PARG: variants seen among roughly 807,000 people sequenced by gnomAD.
PARG encodes the protein poly(ADP-ribose) glycohydrolase.
In PARG, 35 loss-of-function variants were observed where a neutral mutation model predicts 113.0. The ratio of observed to expected loss-of-function variants is 0.31; its 90% confidence interval spans 0.24 to 0.41. The LOEUF is 0.41. Among genes scored for constraint, PARG ranks in the 10% least tolerant of loss-of-function variants. The pLI, the probability that PARG is intolerant of heterozygous loss-of-function variation, is 1.00. For missense variants in PARG, 797 were observed against 1,169.4 expected (o/e 0.68, Z 4.64); for synonymous variants, 330 against 409.9 (o/e 0.81, Z 2.36).
intron 15 of PARG, among the ~76,000 whole-genome samples, chr10:49,839,322 T>G (rs1370779304): frequency 6.7e-6 from 1 of 148,548 alleles, no homozygotes; most frequent in Non-Finnish European, 1.5e-5. Context: ...GGGCAACGAG[T>G]GAAATTCCGT....
At chr10:49,922,473 A>T in intron 5 of PARG, 54 bp from the exon 6 acceptor site, 1 of 1,609,720 alleles carries the variant, frequency 6.2e-7, no homozygotes, top group Non-Finnish European at 8.5e-7. Flanking sequence ...GTTTTGCATC[A>T]CAGAATCAAA....
intron 12 of PARG, 85 bp from the exon 13 acceptor site, chr10:49,857,538 C>T: frequency 3.0e-6 from 2 of 674,454 alleles, no homozygotes; most frequent in Non-Finnish European, 5.0e-6. Flanking sequence ...AAGCTCTCAT[C>T]TTTTCCTCTC....
intron 6 of PARG, among the ~76,000 whole-genome samples, chr10:49,918,048 A>G (rs1554848197): frequency 1.3e-5 from 2 of 152,034 alleles, no homozygotes; most frequent in African/African-American, 2.4e-5. Context: ...CATACCCACT[A>G]TGATTCAATT....
intron 2 of PARG, among the ~76,000 whole-genome samples, chr10:49,934,706 A>T (rs1838661623): frequency 6.6e-6 from 1 of 152,008 alleles, no homozygotes; most frequent in Admixed American, 6.6e-5. Flanking sequence ...AAAATTAGCC[A>T]GGCGTGGTGG....
chr10:49,821,355 T>C (rs1399292103), intron 16 of PARG, among the ~76,000 whole-genome samples: 3 of 152,138 alleles, frequency 2.0e-5, no homozygotes, highest in South Asian at 2.1e-4. Context: ...AAAGGGAAGA[T>C]GGGAATCAAA....
At chr10:49,916,968 C>T (rs1442270056) in intron 6 of PARG, among the ~76,000 whole-genome samples, 1 of 151,990 alleles carries the variant, frequency 6.6e-6, no homozygotes, top group Non-Finnish European at 1.5e-5. Context: ...TCTGTCAAAG[C>T]TTCCTGAATA....
At chr10:49,846,746 ATGTGTGTG>A (rs35901101) in intron 13 of PARG, among the ~76,000 whole-genome samples, 3 of 149,212 alleles carry the variant, frequency 2.0e-5, no homozygotes, top group East Asian at 2.0e-4. Context: ...ACAGTTGTAT[ATGTGTGTG>A]TGTGTGTGTG....
rs560634806 is a variant in PARG at position 49,862,586 on chromosome 10, G to C, written c.2130-923C>G. On this transcript the variant is annotated intron_variant, in intron 11 of 17. Coordinates refer to ENST00000616448, the MANE Select transcript of PARG (RefSeq NM_003631.5). Reference sequence around the variant, plus strand: ...TAACTCAGAAGGTAATTCTGCACAGGTTCTGTCTAAGAGCCTTATTTGTAT... The same window carrying C: ...TAACTCAGAAGGTAATTCTGCACAGCTTCTGTCTAAGAGCCTTATTTGTAT... 8.6e-5 allele frequency among the ~76,000 whole-genome samples: 13 copies of C among 150,792 alleles called. No individual in the cohort carries two copies. The East Asian group carries it at 2.5e-3, about 29-fold the overall frequency.
chr10:49,925,545 A>G (rs1407149063), intron 4 of PARG, among the ~76,000 whole-genome samples: 2 of 152,234 alleles, frequency 1.3e-5, no homozygotes, highest in African/African-American at 4.8e-5. Flanking sequence ...CACCTTGGGC[A>G]CATGTACTCA....
intron 16 of PARG, 36 bp downstream of exon 16, chr10:49,832,767 G>T: frequency 8.2e-7 from 1 of 1,223,854 alleles, no homozygotes; most frequent in Non-Finnish European, 1.2e-6. Context: ...TTTTTGTGTG[G>T]GCAGAATGCT....
intron 7 of PARG, among the ~76,000 whole-genome samples, chr10:49,890,492 G>A (rs1468455788): frequency 1.3e-5 from 2 of 152,164 alleles, no homozygotes; most frequent in African/African-American, 4.8e-5. Flanking sequence ...GCCAGAAGAT[G>A]ACAGAAGAGT....
intron 16 of PARG, among the ~76,000 whole-genome samples, chr10:49,827,401 C>G (rs562446344): frequency 6.6e-6 from 1 of 152,336 alleles, no homozygotes; most frequent in African/African-American, 2.4e-5. Flanking sequence ...CAATGGCATA[C>G]TTGTTTACAG....
chr10:49,920,616 G>GTATATATATACACATATACA (rs1837811811), intron 6 of PARG, among the ~76,000 whole-genome samples: 3 of 142,004 alleles, frequency 2.1e-5, no homozygotes, highest in South Asian at 4.3e-4. Context: ...ACATATATAC[G>GTATATATATACACATATACA]TATATATATA....
At chr10:49,919,683 T>G (rs1428285556) in intron 6 of PARG, among the ~76,000 whole-genome samples, 6 of 152,068 alleles carry the variant, frequency 3.9e-5, no homozygotes, top group Non-Finnish European at 8.8e-5. Context: ...ATTAGCCCAG[T>G]GTGGTGGCAT....
rs1845263517 is a variant in PARG, at chr10:49,841,991, C to T, written c.2500G>A (p.Asp834Asn). 2.6e-6 allele frequency: 4 copies of T among 1,549,912 alleles called. No homozygotes were observed. Among genetic ancestry groups the T allele is most frequent in the South Asian group, 1.2e-5 (1 of 84,044 alleles). ...CTCATTTTCTCAGGCACAAACTGAT[C>T]GAGGTAGCGTCTGAAGTGAAGAGCA... Reference protein sequence around the residue: ...IDALHFRRYLDQFVPEKMRRE... With the variant: ...IDALHFRRYLNQFVPEKMRRE... Residue 834 changes from aspartate (D) to asparagine (N), a missense_variant, in exon 15 of 18, where the codon GAT (aspartate) becomes AAT (asparagine). Around this residue, in one of 5 missense-constraint regions of PARG, gnomAD observed 194 missense variants for 247.1 expected, o/e 0.79. Transcript: ENST00000616448.
intron 6 of PARG, among the ~76,000 whole-genome samples, chr10:49,920,549 TATAC>T (rs1432867913): frequency 1.4e-5 from 2 of 142,732 alleles, no homozygotes; most frequent in South Asian, 2.2e-4. Context: ...TACACATATA[TATAC>T]ATATATACGT....
At chr10:49,880,393 T>C (rs1352337877) in intron 8 of PARG, among the ~76,000 whole-genome samples, 4 of 151,862 alleles carry the variant, frequency 2.6e-5, no homozygotes, top group Non-Finnish European at 4.4e-5. Context: ...CATACGGACA[T>C]GCATAAGTTG....
At chr10:49,864,930 C>T (rs1172975831) in intron 11 of PARG, among the ~76,000 whole-genome samples, 1 of 148,040 alleles carries the variant, frequency 6.8e-6, no homozygotes, top group East Asian at 2.0e-4. Flanking sequence ...AAAGACTTTT[C>T]TCAATCTTGT....
intron 10 of PARG, chr10:49,867,301 G>T (rs1274480127): frequency 6.9e-6 from 1 of 145,026 alleles, no homozygotes; most frequent in Non-Finnish European, 1.5e-5. Flanking sequence ...AGACTTGCAC[G>T]TTTCTTTATG....
Sources: gnomAD v4.1 joint callset for allele counts (sites outside exome capture counted in the v4.1 genomes callset) on GRCh38, gnomAD v4.1.1 for gene constraint, gnomAD v4.1.1 regional missense constraint, MANE v1.5 for transcripts, NCBI Gene and HGNC (gene_info 2026-07-23, HGNC 2026-07-21) for gene names.